The following GADL1 variants were observed in gnomAD, a reference collection of about 807,000 sequenced individuals.
The protein encoded by GADL1 is GAD like acidic amino acid decarboxylase 1.
In GADL1, 71 loss-of-function variants were observed where a neutral mutation model predicts 69.5. That is an observed-to-expected ratio of 1.02 (90% confidence interval 0.84 to 1.25). The LOEUF (loss-of-function observed/expected upper bound fraction) is 1.25, where lower values mean the gene tolerates loss of function less well. GADL1 is among the 50% of genes most tolerant of loss of function. The pLI is 0.00. For synonymous variants in GADL1, 254 were observed against 214.4 expected, an observed-to-expected ratio of 1.18 and a Z score of -1.62; for missense variants, 737 against 631.8, an observed-to-expected ratio of 1.17 and a Z score of -1.79.
intron 1 of GADL1, among the ~76,000 whole-genome samples, chr3:30,882,985 C>T (rs1443384946): frequency 2.0e-5 from 3 of 151,928 alleles, no homozygotes; most frequent in African/African-American, 7.2e-5. Context: ...AATGTCTTTT[C>T]AAGTACTTTG....
intron 14 of GADL1, among the ~76,000 whole-genome samples, chr3:30,732,368 G>A (rs1695471685): frequency 6.6e-6 from 1 of 151,942 alleles, no homozygotes; most frequent in African/African-American, 2.4e-5. Flanking sequence ...TTCTTTTCTT[G>A]TGCCTCAGTG....
chr3:30,851,796 T>C (rs1468789067), intron 4 of GADL1, among the ~76,000 whole-genome samples: 1 of 152,134 alleles, frequency 6.6e-6, no homozygotes, highest in African/African-American at 2.4e-5. Context: ...TTGCCCTTTC[T>C]TGCATCCTCC....
chr3:30,759,452 T>C (rs1395661297), intron 14 of GADL1, among the ~76,000 whole-genome samples: 2 of 152,206 alleles, frequency 1.3e-5, no homozygotes, highest in African/African-American at 4.8e-5. Context: ...TTTCCTCAAG[T>C]TGAAAGCTTG....
chr3:30,728,033 T>A lies in GADL1; in HGVS notation c.*209A>T, dbSNP rs559935173. 1.4e-4 allele frequency: 62 copies of A among 447,136 alleles called. No homozygotes were observed. In the South Asian group the frequency reaches 2.0e-3, roughly 14 times the overall value. The allele number at this position is 447,136 out of a possible 1,614,324, so 27.7% of individuals were successfully genotyped here. On this transcript the variant is annotated 3_prime_UTR_variant, in exon 15 of 15. Transcript: ENST00000282538. ...TCCTTGAGAAAATCATTTTTTTTTT[T>A]AAACTTTCTTCTTTTAGCAACAGTA... is the stretch of plus-strand genomic sequence containing the variant.
chr3:30,740,318 C>A (rs1373705856), intron 14 of GADL1, among the ~76,000 whole-genome samples: 1 of 152,100 alleles, frequency 6.6e-6, no homozygotes, highest in Non-Finnish European at 1.5e-5. Flanking sequence ...AAATAGCCCT[C>A]AAGATGTCAG....
At position 30,834,338 on chromosome 3, in the gene GADL1, G is replaced by A. The variant is rs943059166; in HGVS notation, c.904-57C>T. The A allele has an allele frequency of 2.8e-6, 4 of 1,454,250 alleles. No homozygotes were observed. The African/African-American group carries it at 4.2e-5, about 15-fold the overall frequency. 90.1% of individuals were successfully genotyped at this position (1,454,250 alleles called of 1,614,324 possible). On this transcript the variant is annotated intron_variant, in intron 9 of 14. Coordinates refer to ENST00000282538, the MANE Select transcript of GADL1 (RefSeq NM_207359.3). ...TTATTTCAATGTTATTTGTTTACCAGTGGGTTGTCATAGAAAACCCTCAGT... is the reference window on the plus strand; with the variant it reads ...TTATTTCAATGTTATTTGTTTACCAATGGGTTGTCATAGAAAACCCTCAGT...
chr3:30,799,335 A>G (rs1377377533), intron 12 of GADL1: 1 of 152,230 alleles, frequency 6.6e-6, no homozygotes, highest in East Asian at 1.9e-4. Flanking sequence ...TCAACACCAC[A>G]TGGAAGCTGC....
chr3:30,757,795 T>C (rs1696015451), intron 14 of GADL1, among the ~76,000 whole-genome samples: 1 of 152,218 alleles, frequency 6.6e-6, no homozygotes, highest in Non-Finnish European at 1.5e-5. Flanking sequence ...CCGTATCTTC[T>C]GGATCCCAAG....
chr3:30,868,221 TTTTA>T (rs1241342692), intron 1 of GADL1, among the ~76,000 whole-genome samples: 4 of 152,084 alleles, frequency 2.6e-5, no homozygotes, highest in Non-Finnish European at 4.4e-5. Context: ...TTATCAATGC[TTTTA>T]ATTGTCAGTT....
At chr3:30,760,444 C>T (rs1382236009) in intron 14 of GADL1, among the ~76,000 whole-genome samples, 1 of 152,152 alleles carries the variant, frequency 6.6e-6, no homozygotes, top group Non-Finnish European at 1.5e-5. Flanking sequence ...GTCATAGCCA[C>T]CAACTTCTAG....
At chr3:30,761,725 G>GT (rs1028890224) in intron 14 of GADL1, among the ~76,000 whole-genome samples, 38 of 148,866 alleles carry the variant, frequency 2.6e-4, no homozygotes, top group Admixed American at 2.1e-3. Flanking sequence ...AGTAGACAAA[G>GT]TAACATCATT....
intron 8 of GADL1, among the ~76,000 whole-genome samples, chr3:30,843,832 T>G (rs552581303): frequency 1.3e-4 from 20 of 152,314 alleles, no homozygotes; most frequent in African/African-American, 4.8e-4. Flanking sequence ...TGGTTTGTCC[T>G]GCAGATTTCT....
chr3:30,831,383 C>T (rs1239668135), intron 11 of GADL1, among the ~76,000 whole-genome samples: 2 of 151,790 alleles, frequency 1.3e-5, no homozygotes, highest in Admixed American at 1.3e-4. Flanking sequence ...GAGACATCAC[C>T]TGCTGTGTAT....
chr3:30,835,955 C>G (rs1184562454), intron 9 of GADL1, among the ~76,000 whole-genome samples: 32 of 152,050 alleles, frequency 2.1e-4, no homozygotes, highest in Admixed American at 2.0e-3. Flanking sequence ...AATTTTATCC[C>G]CAGCCTACAA....
chr3:30,854,773 G>A lies in GADL1; in HGVS notation c.354C>T (p.Phe118=). Residue 118 remains phenylalanine, a synonymous_variant, in exon 4 of 15, where the codon TTC becomes TTT. Transcript: ENST00000282538. ...AATCAAGTCCAGCATACAATTGGTTGAAAAATCTTGGGTGGTCTGTAAATT... is the reference window on the plus strand; with the variant it reads ...AATCAAGTCCAGCATACAATTGGTTAAAAAATCTTGGGTGGTCTGTAAATT... ...YSVKTNHPRF[F]NQLYAGLDYY... 6.5e-7 allele frequency: 1 copy of A among 1,545,228 alleles called. No homozygotes were observed. The highest frequency in any genetic ancestry group is 8.8e-7 in the Non-Finnish European group (1 of 1,142,388).
At chr3:30,829,682 T>C (rs1289302593) in intron 11 of GADL1, among the ~76,000 whole-genome samples, 1 of 151,946 alleles carries the variant, frequency 6.6e-6, no homozygotes, top group East Asian at 1.9e-4. Flanking sequence ...CTTCTGAGGA[T>C]GATTAATGTA....
intron 1 of GADL1, among the ~76,000 whole-genome samples, chr3:30,877,788 G>A (rs552528567): frequency 2.6e-4 from 39 of 152,008 alleles, no homozygotes; most frequent in African/African-American, 9.2e-4. Context: ...AATCTGAAGT[G>A]TGGAAATTTA....
chr3:30,862,999 T>C lies in GADL1; in HGVS notation c.38-1234A>G, dbSNP rs185603894. 2.8e-3 allele frequency among the ~76,000 whole-genome samples: 417 copies of C among 151,576 alleles called. 2 individuals carry two copies. The highest frequency in any genetic ancestry group is 9.4e-3 in the African/African-American group (391 of 41,392). On this transcript the variant is annotated intron_variant, in intron 1 of 14. Coordinates refer to ENST00000282538, the MANE Select transcript of GADL1 (RefSeq NM_207359.3). ...CCTTTCAAACACATGTACAAAGAGATCTTCGTAAACATAAGCCCATGTCTG... is the reference window on the plus strand; with the variant it reads ...CCTTTCAAACACATGTACAAAGAGACCTTCGTAAACATAAGCCCATGTCTG...
At chr3:30,862,447 A>G (rs1025974405) in intron 1 of GADL1, among the ~76,000 whole-genome samples, 4 of 152,120 alleles carry the variant, frequency 2.6e-5, no homozygotes, top group Middle Eastern at 3.4e-3. Flanking sequence ...AATCTGGTGC[A>G]TTGAGTAGAC....
Sources: gnomAD v4.1 joint callset for allele counts (sites outside exome capture counted in the v4.1 genomes callset) on GRCh38, gnomAD v4.1.1 for gene constraint, MANE v1.5 for transcripts, NCBI Gene and HGNC (gene_info 2026-07-23, HGNC 2026-07-21) for gene names.